Variants in CD47 observed in about 807,000 individuals in gnomAD.
The protein encoded by CD47 is CD47 molecule.
In CD47, 11 loss-of-function variants were observed where a neutral mutation model predicts 44.6. The ratio of observed to expected loss-of-function variants is 0.25; its 90% CI spans 0.16 to 0.41. CD47 has a LOEUF of 0.41. CD47 is among the 10% of genes least tolerant of loss of function. The probability of loss-of-function intolerance (pLI) is 1.00; values close to 1 mark genes in which losing one functional copy is unlikely to be tolerated. For missense variants in CD47, 306 were observed against 386.7 expected, an observed-to-expected ratio of 0.79 and a Z score of 1.75; for synonymous variants, 140 against 136.3, an observed-to-expected ratio of 1.03 and a Z score of -0.19.
chr3:108,058,520 C>T, intron 5 of CD47, 91 bp from the exon 6 acceptor site: 2 of 798,520 alleles, frequency 2.5e-6, no homozygotes, highest in Non-Finnish European at 4.0e-6. Context: ...CAGGGATCTC[C>T]TAAGACCAAA....
chr3:108,071,276 G>T, intron 2 of CD47, 94 bp from the exon 3 acceptor site: 3 of 568,394 alleles, frequency 5.3e-6, no homozygotes, highest in Non-Finnish European at 6.1e-6. Context: ...TTATAGAGAT[G>T]GAAAAAAATT....
chr3:108,055,116 T>C (rs2078891929), intron 7 of CD47, among the ~76,000 whole-genome samples: 2 of 152,070 alleles, frequency 1.3e-5, no homozygotes, highest in African/African-American at 4.8e-5. Flanking sequence ...AAATAGAAAG[T>C]GAAAGTCACT....
chr3:108,088,285 GA>G (rs1324142357), intron 1 of CD47, among the ~76,000 whole-genome samples: 2 of 152,182 alleles, frequency 1.3e-5, no homozygotes, highest in South Asian at 2.1e-4. Context: ...AATTTGGGGG[GA>G]AAGTCATCTA....
chr3:108,087,440 T>C (rs979290869), intron 1 of CD47, among the ~76,000 whole-genome samples: 3 of 152,186 alleles, frequency 2.0e-5, no homozygotes, highest in African/African-American at 7.2e-5. Flanking sequence ...TCCAGAATTA[T>C]GGCCTTAACA....
Position 108,080,085 on chromosome 3 carries a change from C to G in CD47, c.306G>C (p.Lys102Asn). The change falls in exon 2 of 11, where the codon AAG becomes AAC. Residue 102 changes from lysine (K) to asparagine (N), a missense_variant. This residue lies in a region of CD47 where 47 missense variants were observed against 36.2 expected (regional missense o/e 1.30). Transcript: ENST00000361309. ...LKGDASLKMDKSDAVSHTGNY... is the reference protein window; with the variant it reads ...LKGDASLKMDNSDAVSHTGNY... Reference sequence around the variant, plus strand: ...TTCCTGTGTGTGAGACAGCATCACTCTTATCCATCTTCAAAGAGGCATCTC... The same window carrying G: ...TTCCTGTGTGTGAGACAGCATCACTGTTATCCATCTTCAAAGAGGCATCTC... 6.2e-7 allele frequency: 1 copy of G among 1,613,158 alleles called. No individual in the cohort carries two copies. The highest frequency in any genetic ancestry group is 8.5e-7 in the Non-Finnish European group (1 of 1,179,248).
intron 1 of CD47, among the ~76,000 whole-genome samples, chr3:108,085,188 C>T (rs548371231): frequency 1.3e-5 from 2 of 152,166 alleles, no homozygotes; most frequent in South Asian, 2.1e-4. Context: ...ATCCCCATGC[C>T]TTAGCACATA....
At chr3:108,078,581 C>T (rs1169187204) in intron 2 of CD47, among the ~76,000 whole-genome samples, 1 of 151,412 alleles carries the variant, frequency 6.6e-6, no homozygotes, top group Non-Finnish European at 1.5e-5. Context: ...GTGGATATGA[C>T]TGACTGATTA....
At chr3:108,051,111 G>C (rs1159338666) in intron 8 of CD47, among the ~76,000 whole-genome samples, 1 of 152,072 alleles carries the variant, frequency 6.6e-6, no homozygotes, top group East Asian at 1.9e-4. Flanking sequence ...ACACATACCC[G>C]CCCCACCTGC....
At position 108,080,179 on chromosome 3, in the gene CD47, G is replaced by A; in HGVS notation, c.212C>T (p.Ala71Val). Reference protein sequence around the residue: ...KGRDIYTFDGALNKSTVPTDF... With the variant: ...KGRDIYTFDGVLNKSTVPTDF... Reference sequence around the variant, plus strand: ...AGTGGGGACAGTGGACTTGTTTAGAGCTCCATCAAAGGTGTAAATATCTCT... The same window carrying A: ...AGTGGGGACAGTGGACTTGTTTAGAACTCCATCAAAGGTGTAAATATCTCT... The change falls in exon 2 of 11, where the codon GCT becomes GTT. Residue 71 changes from alanine (A) to valine (V), a missense_variant. Around this residue, in one of 5 missense-constraint regions of CD47, gnomAD observed 25 missense variants for 52.7 expected, o/e 0.47. Transcript: ENST00000361309. 2 of 1,613,086 alleles carry A rather than the reference G, an allele frequency of 1.2e-6. No homozygotes were observed. Among genetic ancestry groups the A allele is most frequent in the Non-Finnish European group, 1.7e-6 (2 of 1,179,244 alleles).
chr3:108,075,828 G>T (rs2079300739), intron 2 of CD47, among the ~76,000 whole-genome samples: 1 of 152,174 alleles, frequency 6.6e-6, no homozygotes, highest in South Asian at 2.1e-4. Context: ...TCTTAAAAGG[G>T]TCTGGGTTCT....
intron 3 of CD47, among the ~76,000 whole-genome samples, chr3:108,070,679 T>A (rs2079183881): frequency 6.6e-6 from 1 of 152,034 alleles, no homozygotes; most frequent in African/African-American, 2.4e-5. Context: ...AAAATCAAAC[T>A]GGGAAAATAA....
intron 1 of CD47, among the ~76,000 whole-genome samples, chr3:108,090,466 C>A (rs1313474301): frequency 6.6e-6 from 1 of 152,236 alleles, no homozygotes; most frequent in Non-Finnish European, 1.5e-5. Context: ...CGTCTAAGCA[C>A]TGAGAAGGGA....
Position 108,075,663 on chromosome 3 carries a change from G to A in CD47, c.400+4328C>T, listed in dbSNP as rs543067831. Among the ~76,000 whole-genome samples the A allele has an allele frequency of 2.6e-4, 40 of 152,260 alleles. No individual in the cohort carries two copies. In the East Asian group the frequency reaches 2.9e-3, roughly 11 times the overall value. On this transcript the variant is annotated intron_variant, in intron 2 of 10. Transcript: ENST00000361309. ...TTTATAATTCCCTCCCCTTGTGTGT[G>A]GGAGACTAGGACTGTGAATGTATTG...
At chr3:108,081,932 TTTTCTACA>T (rs2108268231) in intron 1 of CD47, among the ~76,000 whole-genome samples, 1 of 152,022 alleles carries the variant, frequency 6.6e-6, no homozygotes, top group South Asian at 2.1e-4. Context: ...CTCTTCCCAG[TTTTCTACA>T]TTTCTAGCCA....
Position 108,090,929 on chromosome 3 carries a change from C to T in CD47, c.-21G>A, listed in dbSNP as rs777682804. The T allele has an allele frequency of 1.4e-6, 2 of 1,423,664 alleles. No individual in the cohort carries two copies. The highest frequency in any genetic ancestry group is 9.3e-7 in the Non-Finnish European group (1 of 1,079,138). The allele number at this position is 1,423,664 out of a possible 1,614,324, so 88.2% of individuals were successfully genotyped here. ...CACATCTCCGCGCCCGCCGCGGGGT[C>T]GCCGCCGCCGCCGCAGGTGTCCGGA... On this transcript the variant is annotated 5_prime_UTR_variant, in exon 1 of 11. Coordinates refer to ENST00000361309, the MANE Select transcript of CD47 (RefSeq NM_001777.4).
chr3:108,085,899 C>A (rs1202261072), intron 1 of CD47, among the ~76,000 whole-genome samples: 2 of 152,096 alleles, frequency 1.3e-5, no homozygotes, highest in African/African-American at 4.8e-5. Context: ...ATTATGAAAT[C>A]ATGAAGCTGC....
chr3:108,052,024 C>A, intron 7 of CD47, 54 bp from the exon 8 acceptor site: 1 of 859,934 alleles, frequency 1.2e-6, no homozygotes, highest in Non-Finnish European at 1.9e-6. Flanking sequence ...TAAACTAAGG[C>A]ATTTGGTAAT....
intron 8 of CD47, 135 bp from the exon 9 acceptor site, chr3:108,050,737 A>G: frequency 2.0e-6 from 1 of 491,102 alleles, no homozygotes; most frequent in Non-Finnish European, 3.7e-6. Flanking sequence ...AAGAAAAAAC[A>G]AAACAACGAA....
intron 3 of CD47, among the ~76,000 whole-genome samples, chr3:108,068,904 C>T (rs1318696799): frequency 6.6e-6 from 1 of 151,918 alleles, no homozygotes; most frequent in Non-Finnish European, 1.5e-5. Context: ...CAAGATGAGC[C>T]AAAACAAAAA....
Sources: gnomAD v4.1 joint callset for allele counts (sites outside exome capture counted in the v4.1 genomes callset) on GRCh38, gnomAD v4.1.1 for gene constraint, gnomAD v4.1.1 regional missense constraint, MANE v1.5 for transcripts, NCBI Gene and HGNC (gene_info 2026-07-23, HGNC 2026-07-21) for gene names.